The following SOS1 variants were observed in gnomAD, a reference collection of about 807,000 sequenced individuals.
The protein encoded by SOS1 is son of sevenless homolog 1.
SOS1 carries 25 observed loss-of-function variants against 157.6 expected under a neutral mutation model. The ratio of observed to expected loss-of-function variants is 0.16; its 90% CI spans 0.12 to 0.22. The LOEUF is 0.22. Among genes scored for constraint, SOS1 ranks in the 10% least tolerant of loss-of-function variants. The pLI is 1.00. For missense variants in SOS1, 1,237 were observed against 1,599.1 expected, an observed-to-expected ratio of 0.77 and a Z score of 3.86; for synonymous variants, 528 against 534.0, an observed-to-expected ratio of 0.99 and a Z score of 0.16.
At chr2:39,097,476 T>C (rs1467779551) in intron 1 of SOS1, among the ~76,000 whole-genome samples, 1 of 152,222 alleles carries the variant, frequency 6.6e-6, no homozygotes, top group Non-Finnish European at 1.5e-5. Context: ...TAGCAAAGAA[T>C]GTTTTAACAA....
At chr2:39,076,065 T>C (rs1671986348) in intron 1 of SOS1, among the ~76,000 whole-genome samples, 1 of 152,010 alleles carries the variant, frequency 6.6e-6, no homozygotes, top group African/African-American at 2.4e-5. Context: ...CAACACTATC[T>C]AGGAAAGAAT....
At chr2:39,102,530 C>A (rs1334877413) in intron 1 of SOS1, among the ~76,000 whole-genome samples, 19 of 50,598 alleles carry the variant, frequency 3.8e-4, no homozygotes, top group South Asian at 1.3e-3. Flanking sequence ...GACTCCATCT[C>A]AAAAAAAAAA....
At chr2:39,011,878 G>T (rs922722127) in intron 14 of SOS1, among the ~76,000 whole-genome samples, 1 of 152,064 alleles carries the variant, frequency 6.6e-6, no homozygotes, top group East Asian at 1.9e-4. Context: ...GCCAGCAATT[G>T]GTAAAGCCAG....
At chr2:39,000,791 A>G (rs532570608) in intron 17 of SOS1, among the ~76,000 whole-genome samples, 17 of 152,304 alleles carry the variant, frequency 1.1e-4, no homozygotes, top group South Asian at 4.1e-4. Flanking sequence ...AGCCCTGGGC[A>G]TAACACATAG....
chr2:39,005,985 T>C lies in SOS1; in HGVS notation c.2791+427A>G, dbSNP rs146477201. On this transcript the variant is annotated intron_variant, in intron 17 of 22. Transcript: ENST00000402219. ...TTCCTCTGATGCAGAAGGGGAAAAATAGGAGAGGATGAAGAGAATAAAATT... is the reference window on the plus strand; with the variant it reads ...TTCCTCTGATGCAGAAGGGGAAAAACAGGAGAGGATGAAGAGAATAAAATT... Among the ~76,000 whole-genome samples the C allele has an allele frequency of 5.4e-3, 815 of 151,730 alleles. 13 individuals are homozygous for C. Among genetic ancestry groups the C allele is most frequent in the African/African-American group, 0.018 (764 of 41,388 alleles).
At chr2:38,989,452 T>G (rs1668660003) in intron 20 of SOS1, 138 bp from the exon 21 acceptor site, 1 of 622,982 alleles carries the variant, frequency 1.6e-6, no homozygotes, top group South Asian at 2.0e-5. Context: ...TAGTAAAACC[T>G]CATTACTACT....
intron 8 of SOS1, among the ~76,000 whole-genome samples, chr2:39,026,013 G>C (rs948549592): frequency 1.3e-5 from 2 of 151,958 alleles, no homozygotes; most frequent in Non-Finnish European, 2.9e-5. Flanking sequence ...TCTACTAGAG[G>C]CATAATCTAC....
chr2:38,988,031 T>G (rs1357475894), intron 21 of SOS1, among the ~76,000 whole-genome samples: 1 of 152,014 alleles, frequency 6.6e-6, no homozygotes, highest in Non-Finnish European at 1.5e-5. Flanking sequence ...GGGAGTAGAG[T>G]GTGTGCTCTT....
intron 22 of SOS1, among the ~76,000 whole-genome samples, chr2:38,986,973 A>G (rs1267399708): frequency 6.6e-6 from 1 of 152,186 alleles, no homozygotes; most frequent in Non-Finnish European, 1.5e-5. Context: ...CCAAAAAGAA[A>G]AAAACAAAAT....
chr2:39,077,648 C>T (rs1022195228), intron 1 of SOS1, among the ~76,000 whole-genome samples: 31 of 152,132 alleles, frequency 2.0e-4, no homozygotes, highest in African/African-American at 7.0e-4. Context: ...ACAGAAAGAC[C>T]ACCGTAATGG....
chr2:39,036,845 G>T (rs1260285861), intron 6 of SOS1, among the ~76,000 whole-genome samples: 1 of 152,032 alleles, frequency 6.6e-6, no homozygotes, highest in African/African-American at 2.4e-5. Context: ...AAAGTGCTAG[G>T]ATTACAGGTG....
intron 1 of SOS1, among the ~76,000 whole-genome samples, chr2:39,079,260 G>C (rs1331863325): frequency 1.3e-5 from 1 of 76,564 alleles, no homozygotes; most frequent in African/African-American, 5.2e-5. Flanking sequence ...CATAAAATGG[G>C]GCAAAAATAT....
upstream of SOS1, among the ~76,000 whole-genome samples, chr2:39,122,381 G>C (rs752745988): frequency 7.2e-5 from 11 of 151,846 alleles, no homozygotes; most frequent in South Asian, 1.2e-3. Flanking sequence ...AGTGAGCCGG[G>C]ATCATGCCAC....
chr2:39,074,173 A>G (rs1671883464), intron 1 of SOS1, among the ~76,000 whole-genome samples: 1 of 152,056 alleles, frequency 6.6e-6, no homozygotes, highest in African/African-American at 2.4e-5. Context: ...AACACAGTGA[A>G]ACCCCGTGTG....
At chr2:39,077,986 A>G (rs2148162673) in intron 1 of SOS1, among the ~76,000 whole-genome samples, 1 of 152,366 alleles carries the variant, frequency 6.6e-6, no homozygotes, top group East Asian at 1.9e-4. Context: ...TCAACATATC[A>G]CAAAAAGTGG....
chr2:39,110,039 CGTGTGTGTGT>C (rs779110307), intron 1 of SOS1, among the ~76,000 whole-genome samples: 103 of 135,512 alleles, frequency 7.6e-4, no homozygotes, highest in African/African-American at 2.0e-3. Context: ...TGTGTGTGTG[CGTGTGTGTGT>C]GTGTGTGTGT....
rs1017893941 is a variant in SOS1, at chr2:38,995,040, A to C, written c.3346+83T>G. On this transcript the variant is annotated intron_variant, in intron 20 of 22. Coordinates refer to ENST00000402219, the MANE Select transcript of SOS1 (RefSeq NM_005633.4). ...ACTTAACTACAAGTTCACACATACAAAAAAATAACAGAGATTCTTTTTTAC... is the reference window on the plus strand; with the variant it reads ...ACTTAACTACAAGTTCACACATACACAAAAATAACAGAGATTCTTTTTTAC... 5.2e-5 allele frequency: 64 copies of C among 1,235,278 alleles called. No individual in the cohort carries two copies. The African/African-American group carries it at 7.3e-4, about 14-fold the overall frequency. 76.5% of individuals were successfully genotyped at this position (1,235,278 alleles called of 1,614,324 possible). A position where few individuals can be genotyped will look rare whatever the true frequency, so the allele number is the denominator to read the frequency against.
At position 38,989,245 on chromosome 2, in the gene SOS1, T is replaced by C. The variant is rs928919933; in HGVS notation, c.3391+25A>G. The C allele has an allele frequency of 3.9e-6, 6 of 1,528,848 alleles. No individual in the cohort carries two copies. In the African/African-American group the frequency reaches 8.2e-5, roughly 21 times the overall value. The allele number at this position is 1,528,848 out of a possible 1,614,324, so 94.7% of individuals were successfully genotyped here. A position where few individuals can be genotyped will look rare whatever the true frequency, so the allele number is the denominator to read the frequency against. ...ATTTTTAAAGCCAAAGCAAGAATTA[T>C]GAGTCTTAAACCAAATATACTAACT... is the stretch of plus-strand genomic sequence containing the variant. On this transcript the variant is annotated intron_variant, in intron 21 of 22. Transcript: ENST00000402219.
chr2:39,016,270 T>C (rs993735725), intron 10 of SOS1, among the ~76,000 whole-genome samples: 1 of 152,100 alleles, frequency 6.6e-6, no homozygotes, highest in Non-Finnish European at 1.5e-5. Flanking sequence ...TAAAAATACA[T>C]TGGTTTTAAA....
Sources: gnomAD v4.1 joint callset for allele counts (sites outside exome capture counted in the v4.1 genomes callset) on GRCh38, gnomAD v4.1.1 for gene constraint, MANE v1.5 for transcripts, NCBI Gene and HGNC (gene_info 2026-07-23, HGNC 2026-07-21) for gene names.